The following LYL1 variants were observed in gnomAD, a reference collection of about 807,000 sequenced individuals.
LYL1 encodes LYL1 basic helix-loop-helix family member.
In LYL1, 4 loss-of-function variants were observed where a neutral mutation model predicts 11.1. The observed-to-expected ratio is 0.36, with a 90% CI of 0.18 to 0.82. The LOEUF (loss-of-function observed/expected upper bound fraction) is 0.82. LYL1 is among the 40% of genes least tolerant of loss of function. LYL1 has a pLI of 0.49. For synonymous variants in LYL1, 179 were observed against 174.8 expected, an observed-to-expected ratio of 1.02 and a Z score of -0.19; for missense variants, 356 against 397.6, an observed-to-expected ratio of 0.90 and a Z score of 0.89.
rs1568350701 is a variant in LYL1, at chr19:13,101,962, C to T, written c.-25+569G>A. 1.3e-5 allele frequency: 3 copies of T among 230,314 alleles called. No individual in the cohort carries two copies. Among genetic ancestry groups the T allele is most frequent in the Non-Finnish European group, 1.7e-5 (2 of 116,318 alleles). The allele number at this position is 230,314 out of a possible 1,614,324, so 14.3% of individuals were successfully genotyped here. On this transcript the variant is annotated intron_variant, in intron 1 of 3. Transcript: ENST00000264824. This position sits in a 1 kb window ranked among gnomAD's most constrained non-coding sequence, Gnocchi z 5.1. The stretch of plus-strand genomic sequence containing the variant: ...AAGCCCCCATCCTCATCAGCATCCA[C>T]GCTTTTTAAAATTTGTTTATTTTTT...
In LYL1 at chr19:13,099,046, CTGCCATGTTGCTT is replaced by C. The variant is rs1235027131; in HGVS notation, c.*260_*272del. ...GCACCACTTGGGTCCTATGACTGCT[CTGCCATGTTGCTT>C]TGCCGACCTCGCCCCTGGGAAGGGG... On this transcript the variant is annotated 3_prime_UTR_variant, in exon 4 of 4. Transcript: ENST00000264824. This position sits in a 1 kb window ranked among gnomAD's most constrained non-coding sequence, Gnocchi z 5.3. The C allele has an allele frequency of 3.0e-6, 1 of 335,396 alleles. No individual in the cohort carries two copies. The highest frequency in any genetic ancestry group is 4.4e-5 in the East Asian group (1 of 22,954). The allele number at this position is 335,396 out of a possible 1,614,324, so 20.8% of individuals were successfully genotyped here.
At position 13,101,801 on chromosome 19, in the gene LYL1, A is replaced by C; in HGVS notation, c.-24-606T>G. ...AATTGCTTGAGTGACCCCCACTCCC[A>C]CTGCAAACATCCCCCATAGCAACCC... On this transcript the variant is annotated intron_variant, in intron 1 of 3. Coordinates refer to ENST00000264824, the MANE Select transcript of LYL1 (RefSeq NM_005583.5). The surrounding 1 kb of genome is among the most constrained non-coding windows in gnomAD (Gnocchi z 5.1). The C allele has an allele frequency of 9.0e-6, 2 of 221,612 alleles. No homozygotes were observed. The highest frequency in any genetic ancestry group is 8.9e-6 in the Non-Finnish European group (1 of 112,828). The allele number at this position is 221,612 out of a possible 1,614,324, so 13.7% of individuals were successfully genotyped here.
Position 13,099,572 on chromosome 19 carries a change from T to C in LYL1, c.590A>G (p.Lys197Arg). Residue 197 changes from lysine (K) to arginine (R), a missense_variant, in exon 4 of 4, where the codon AAG (lysine) becomes AGG (arginine). Coordinates refer to ENST00000264824, the MANE Select transcript of LYL1 (RefSeq NM_005583.5). This position sits in a 1 kb window ranked among gnomAD's most constrained non-coding sequence, Gnocchi z 5.3. The stretch of plus-strand genomic sequence containing the variant: ...CAGCCGCACCAGGAAGCCGATGTAC[T>C]TCATGGCTAGGCGGAGCACCTCGTT... Reference protein sequence around the residue: ...SKNEVLRLAMKYIGFLVRLLR... With the variant: ...SKNEVLRLAMRYIGFLVRLLR... 3.2e-6 allele frequency: 5 copies of C among 1,546,856 alleles called. No individual in the cohort carries two copies. Among genetic ancestry groups the C allele is most frequent in the Non-Finnish European group, 4.4e-6 (5 of 1,146,128 alleles).
rs1435860788 is a variant in LYL1 at position 13,101,594 on chromosome 19, C to T, written c.-24-399G>A. 1 of 233,778 alleles carries T rather than the reference C, an allele frequency of 4.3e-6. No homozygotes were observed. Among genetic ancestry groups the T allele is most frequent in the East Asian group, 6.5e-5 (1 of 15,458 alleles). 14.5% of individuals were successfully genotyped at this position (233,778 alleles called of 1,614,324 possible). A position where few individuals can be genotyped will look rare whatever the true frequency, so the allele number is the denominator to read the frequency against. On this transcript the variant is annotated intron_variant, in intron 1 of 3. Transcript: ENST00000264824. The surrounding 1 kb of genome is among the most constrained non-coding windows in gnomAD (Gnocchi z 5.1). Reference sequence around the variant, plus strand: ...ACCCCAAGATTAACCCTGTTATCCTCAGATCTAAAGATCCAACCCAGAGAC... The same window carrying T: ...ACCCCAAGATTAACCCTGTTATCCTTAGATCTAAAGATCCAACCCAGAGAC...
In LYL1 at chr19:13,101,163, C is replaced by T. The variant is rs371499313; in HGVS notation, c.9G>A (p.Pro3=). The change falls in exon 2 of 4, where the codon CCG becomes CCA. Residue 3 remains proline (P), a synonymous_variant. Transcript: ENST00000264824. The surrounding 1 kb of genome is among the most constrained non-coding windows in gnomAD (Gnocchi z 5.1). MC[P]PQAQAEVGPT... is the part of the protein sequence containing the mutation. The stretch of plus-strand genomic sequence containing the variant: ...GGCCCACCTCTGCCTGTGCCTGAGG[C>T]GGGCACATGGACCCCGACGTGGGGG... 38 of 1,443,716 alleles carry T rather than the reference C, an allele frequency of 2.6e-5. No individual in the cohort carries two copies. The highest frequency in any genetic ancestry group is 1.2e-4 in the African/African-American group (8 of 68,888). The allele number at this position is 1,443,716 out of a possible 1,614,324, so 89.4% of individuals were successfully genotyped here.
chr19:13,099,328 C>T lies in LYL1; in HGVS notation c.834G>A (p.Glu278=), dbSNP rs1391140113. 4 of 1,279,772 alleles carry T rather than the reference C, an allele frequency of 3.1e-6. No individual in the cohort carries two copies. In the East Asian group the frequency reaches 8.8e-5, roughly 28 times the overall value. 79.3% of individuals were successfully genotyped at this position (1,279,772 alleles called of 1,614,324 possible). The change falls in exon 4 of 4, where the codon GAG becomes GAA. Residue 278 remains glutamate, a synonymous_variant. Coordinates refer to ENST00000264824, the MANE Select transcript of LYL1 (RefSeq NM_005583.5). This position sits in a 1 kb window ranked among gnomAD's most constrained non-coding sequence, Gnocchi z 5.3. ...IKMEQTALSP[E]VR ...GTGCTGCCGCGTGCGGTCACCGCAC[C>T]TCTGGGCTCAAAGCGGTTTGCTCCA...
chr19:13,101,365 G>A lies in LYL1; in HGVS notation c.-24-170C>T. On this transcript the variant is annotated intron_variant, in intron 1 of 3. Coordinates refer to ENST00000264824, the MANE Select transcript of LYL1 (RefSeq NM_005583.5). This position sits in a 1 kb window ranked among gnomAD's most constrained non-coding sequence, Gnocchi z 5.1. Reference sequence around the variant, plus strand: ...CGGGGGCAGGCCCAGAAACTTCCAGGACACGGGAGGGGGGTCCTACGTTAG... The same window carrying A: ...CGGGGGCAGGCCCAGAAACTTCCAGAACACGGGAGGGGGGTCCTACGTTAG... The A allele has an allele frequency of 2.4e-6, 1 of 412,656 alleles. No individual in the cohort carries two copies. The allele number at this position is 412,656 out of a possible 1,614,324, so 25.6% of individuals were successfully genotyped here.
At position 13,102,743 on chromosome 19, in the gene LYL1, G is replaced by A. The variant is rs1465446568; in HGVS notation, c.-237C>T. ...GGTCTCCGCGTAGGTCCCCCCCAGG[G>A]AAAGTGAGCGGCTCCCGGGCCGGCC... On this transcript the variant is annotated 5_prime_UTR_variant, in exon 1 of 4. Transcript: ENST00000264824. This position sits in a 1 kb window ranked among gnomAD's most constrained non-coding sequence, Gnocchi z 4.9. 5 of 154,124 alleles carry A rather than the reference G, an allele frequency of 3.2e-5. No homozygotes were observed. Among genetic ancestry groups the A allele is most frequent in the African/African-American group, 1.2e-4 (5 of 41,510 alleles). 9.5% of individuals were successfully genotyped at this position (154,124 alleles called of 1,614,324 possible). A position where few individuals can be genotyped will look rare whatever the true frequency, so the allele number is the denominator to read the frequency against.
In LYL1 at chr19:13,101,082, TG is replaced by T; in HGVS notation, c.89del (p.Pro30HisfsTer33). 6.8e-7 allele frequency: 1 copy of T among 1,480,980 alleles called. No homozygotes were observed. The highest frequency in any genetic ancestry group is 9.0e-7 in the Non-Finnish European group (1 of 1,116,688). The allele number at this position is 1,480,980 out of a possible 1,614,324, so 91.7% of individuals were successfully genotyped here. A position where few individuals can be genotyped will look rare whatever the true frequency, so the allele number is the denominator to read the frequency against. On this transcript the variant is annotated frameshift_variant, in exon 2 of 4. Coordinates refer to ENST00000264824, the MANE Select transcript of LYL1 (RefSeq NM_005583.5). LOFTEE classifies it high-confidence loss of function. This position sits in a 1 kb window ranked among gnomAD's most constrained non-coding sequence, Gnocchi z 5.1. Reference sequence around the variant, plus strand: ...GCCCAGGCGAGGCAGGCTTAGGGGGTGGGGCAGGCGCTGGGCTGGGGGCACA... The same window carrying T: ...GCCCAGGCGAGGCAGGCTTAGGGGGTGGGCAGGCGCTGGGCTGGGGGCACA... ...MVCAPSPAPA[P>X]PPKPASPGPP...
At chr19:13,100,376 G>A (rs1181703292) in intron 3 of LYL1, among the ~76,000 whole-genome samples, 3 of 152,160 alleles carry the variant, frequency 2.0e-5, no homozygotes, top group African/African-American at 4.8e-5. Context: ...TCATTTTGTG[G>A]CTCCCATGCC....
At chr19:13,100,623 T>TACAAACCCACAAGGCAC in intron 3 of LYL1, 34 bp downstream of exon 3, 1 of 1,604,304 alleles carries the variant, frequency 6.2e-7, no homozygotes, top group Non-Finnish European at 8.5e-7. Flanking sequence ...CATACAGGCA[T>TACAAACCCACAAGGCAC]ACAAACCCAC....
Position 13,100,749 on chromosome 19 carries a change from CTG to C in LYL1, c.336-3_336-2del. On this transcript the variant is annotated splice_acceptor_variant and splice_polypyrimidine_tract_variant and intron_variant, in intron 2 of 3. Transcript: ENST00000264824. LOFTEE classifies it high-confidence loss of function. ...AGGTCCTGCTGGCCCAATGTAGACA[CTG>C]TAAGGGGTCGTGGGTCACTAATGCC... 6.2e-7 allele frequency: 1 copy of C among 1,614,118 alleles called. No individual in the cohort carries two copies. Among genetic ancestry groups the C allele is most frequent in the East Asian group, 2.2e-5 (1 of 44,894 alleles).
In LYL1 at chr19:13,099,270, T is replaced by G. The variant is rs761828040; in HGVS notation, c.*49A>C. On this transcript the variant is annotated 3_prime_UTR_variant, in exon 4 of 4. Coordinates refer to ENST00000264824, the MANE Select transcript of LYL1 (RefSeq NM_005583.5). This position sits in a 1 kb window ranked among gnomAD's most constrained non-coding sequence, Gnocchi z 5.3. ...TCCACTGCCCTTTCCTTGACGGCCC[T>G]GGGCCGAGTCCCTGGTGCCCTCCGG... 6.5e-6 allele frequency: 8 copies of G among 1,237,076 alleles called. No individual in the cohort carries two copies. In the South Asian group the frequency reaches 1.6e-4, roughly 25 times the overall value. The allele number at this position is 1,237,076 out of a possible 1,614,324, so 76.6% of individuals were successfully genotyped here. A position where few individuals can be genotyped will look rare whatever the true frequency, so the allele number is the denominator to read the frequency against.
In LYL1 at chr19:13,102,753, G is replaced by T. The variant is rs1415849200; in HGVS notation, c.-247C>A. On this transcript the variant is annotated 5_prime_UTR_variant, in exon 1 of 4. Coordinates refer to ENST00000264824, the MANE Select transcript of LYL1 (RefSeq NM_005583.5). This position sits in a 1 kb window ranked among gnomAD's most constrained non-coding sequence, Gnocchi z 4.9. Reference sequence around the variant, plus strand: ...TAGGTCCCCCCCAGGGAAAGTGAGCGGCTCCCGGGCCGGCCCGCCTTCTCC... The same window carrying T: ...TAGGTCCCCCCCAGGGAAAGTGAGCTGCTCCCGGGCCGGCCCGCCTTCTCC... 6.5e-6 allele frequency: 1 copy of T among 153,460 alleles called. No individual in the cohort carries two copies. Among genetic ancestry groups the T allele is most frequent in the African/African-American group, 2.4e-5 (1 of 41,486 alleles). 9.5% of individuals were successfully genotyped at this position (153,460 alleles called of 1,614,324 possible).
In LYL1 at chr19:13,099,259, CT is replaced by C; in HGVS notation, c.*59del. On this transcript the variant is annotated 3_prime_UTR_variant, in exon 4 of 4. Coordinates refer to ENST00000264824, the MANE Select transcript of LYL1 (RefSeq NM_005583.5). The surrounding 1 kb of genome is among the most constrained non-coding windows in gnomAD (Gnocchi z 5.3). ...TGCGCAGCACGTCCACTGCCCTTTC[CT>C]TGACGGCCCTGGGCCGAGTCCCTGG... is the stretch of plus-strand genomic sequence containing the variant. The C allele has an allele frequency of 1.6e-6, 2 of 1,228,596 alleles. No individual in the cohort carries two copies. The highest frequency in any genetic ancestry group is 2.0e-6 in the Non-Finnish European group (2 of 983,216). The allele number at this position is 1,228,596 out of a possible 1,614,324, so 76.1% of individuals were successfully genotyped here. A position where few individuals can be genotyped will look rare whatever the true frequency, so the allele number is the denominator to read the frequency against.
rs142687463 is a variant in LYL1 at position 13,100,694 on chromosome 19, C to T, written c.390G>A (p.Lys130=). Residue 130 remains lysine (K), a synonymous_variant, in exon 3 of 4, where the codon AAG becomes AAA. Transcript: ENST00000264824. The part of the protein sequence containing the change: ...PFSIFPSSRL[K]RRPSHCELDL... ...CCAGCTCACAGTGGCTTGGTCTCCG[C>T]TTCAACCGGCTGCTAGGGAAGATGC... The T allele has an allele frequency of 5.6e-3, 9,058 of 1,614,238 alleles. 37 individuals carry two copies. The highest frequency in any genetic ancestry group is 7.2e-3 in the South Asian group (652 of 91,086).
In LYL1 at chr19:13,099,651, CGAAG is replaced by C; in HGVS notation, c.507_510del (p.Phe170ProfsTer3). 6.4e-7 allele frequency: 1 copy of C among 1,553,034 alleles called. No homozygotes were observed. The stretch of plus-strand genomic sequence containing the variant: ...GTCGGCAGCAGCTTCCTCAGCTCGG[CGAAG>C]GCGCCGTTAACGTTCTGCTGCCGCC... On this transcript the variant is annotated frameshift_variant, in exon 4 of 4. Transcript: ENST00000264824. LOFTEE classifies it low-confidence loss of function (END_TRUNC). This position sits in a 1 kb window ranked among gnomAD's most constrained non-coding sequence, Gnocchi z 5.3.
chr19:13,099,353 A>C lies in LYL1; in HGVS notation c.809T>G (p.Met270Arg), dbSNP rs745524258. Residue 270 changes from methionine (M) to arginine (R), a missense_variant, in exon 4 of 4, where the codon ATG becomes AGG. Coordinates refer to ENST00000264824, the MANE Select transcript of LYL1 (RefSeq NM_005583.5). The surrounding 1 kb of genome is among the most constrained non-coding windows in gnomAD (Gnocchi z 5.3). ...SPGGAARPIKMEQTALSPEVR is the reference protein window; with the variant it reads ...SPGGAARPIKREQTALSPEVR Reference sequence around the variant, plus strand: ...CTCTGGGCTCAAAGCGGTTTGCTCCATCTTGATGGGCCGGGCCGCTCCACC... The same window carrying C: ...CTCTGGGCTCAAAGCGGTTTGCTCCCTCTTGATGGGCCGGGCCGCTCCACC... The C allele has an allele frequency of 2.3e-6, 3 of 1,284,942 alleles. No homozygotes were observed. Among genetic ancestry groups the C allele is most frequent in the Non-Finnish European group, 3.0e-6 (3 of 1,014,336 alleles). The allele number at this position is 1,284,942 out of a possible 1,614,324, so 79.6% of individuals were successfully genotyped here. A position where few individuals can be genotyped will look rare whatever the true frequency, so the allele number is the denominator to read the frequency against.
chr19:13,099,540 C>A lies in LYL1; in HGVS notation c.622G>T (p.Asp208Tyr). 1 of 1,511,500 alleles carries A rather than the reference C, an allele frequency of 6.6e-7. No homozygotes were observed. Among genetic ancestry groups the A allele is most frequent in the South Asian group, 1.2e-5 (1 of 80,344 alleles). The allele number at this position is 1,511,500 out of a possible 1,614,324, so 93.6% of individuals were successfully genotyped here. The part of the protein sequence containing the change: ...YIGFLVRLLR[D>Y]QAAALAAGPT... Reference sequence around the variant, plus strand: ...CCTGCGGCCAGAGCTGCGGCTTGGTCGCGCAGCAGCCGCACCAGGAAGCCG... The same window carrying A: ...CCTGCGGCCAGAGCTGCGGCTTGGTAGCGCAGCAGCCGCACCAGGAAGCCG... The change falls in exon 4 of 4, where the codon GAC becomes TAC. Residue 208 changes from aspartate to tyrosine, a missense_variant. Coordinates refer to ENST00000264824, the MANE Select transcript of LYL1 (RefSeq NM_005583.5). The surrounding 1 kb of genome is among the most constrained non-coding windows in gnomAD (Gnocchi z 5.3).
Sources: allele counts gnomAD v4.1 joint callset (sites outside exome capture counted in the v4.1 genomes callset), GRCh38; gene constraint gnomAD v4.1.1; non-coding constraint Gnocchi (gnomAD v3.1); transcripts MANE v1.5; gene names NCBI Gene and HGNC (gene_info 2026-07-23, HGNC 2026-07-21).